The following MCUB variants were observed in gnomAD, a reference collection of about 807,000 sequenced individuals.
MCUB encodes the protein calcium uniporter regulatory subunit MCUb, mitochondrial.
A neutral mutation model predicts 41.4 loss-of-function variants in MCUB; 46 were observed. The ratio of observed to expected loss-of-function variants is 1.11; its 90% CI spans 0.88 to 1.42. The LOEUF (loss-of-function observed/expected upper bound fraction) is 1.42, where lower values mean the gene tolerates loss of function less well. Among genes scored for constraint, MCUB ranks in the 40% most tolerant of loss-of-function variants. The pLI is 0.00. For synonymous variants in MCUB, 148 were observed against 148.2 expected, an observed-to-expected ratio of 1.00 and a Z score of 0.01; for missense variants, 403 against 404.9, an observed-to-expected ratio of 1.00 and a Z score of 0.04.
chr4:109,592,152 A>T (rs1259655666), intron 1 of MCUB, among the ~76,000 whole-genome samples: 3 of 151,832 alleles, frequency 2.0e-5, no homozygotes, highest in African/African-American at 7.3e-5. Flanking sequence ...CACGCCTGTA[A>T]TCCCAGCACT....
intron 4 of MCUB, among the ~76,000 whole-genome samples, chr4:109,679,516 C>T (rs28369312): frequency 0.089 from 13,548 of 152,108 alleles, 674 homozygotes; most frequent in Middle Eastern, 0.11. Flanking sequence ...AGTGGCAGCA[C>T]GTGCCTGGAA....
In MCUB at chr4:109,684,628, CT is replaced by C; in HGVS notation, c.801del (p.Phe267LeufsTer2). 6.6e-7 allele frequency: 1 copy of C among 1,509,580 alleles called. No individual in the cohort carries two copies. The allele number at this position is 1,509,580 out of a possible 1,614,324, so 93.5% of individuals were successfully genotyped here. On this transcript the variant is annotated frameshift_variant, in exon 6 of 8. Coordinates refer to ENST00000394650, the MANE Select transcript of MCUB (RefSeq NM_017918.5). LOFTEE classifies it high-confidence loss of function. ...CAAATTCTATGGTCTTTTTTGCATACTTTATAGTCACTCGACAGGTGAGTAG... is the reference window on the plus strand; with the variant it reads ...CAAATTCTATGGTCTTTTTTGCATACTTATAGTCACTCGACAGGTGAGTAG... ...FANSMVFFAYFIVTRQDYTYS... is the reference protein window; with the variant it reads ...FANSMVFFAYXIVTRQDYTYS...
chr4:109,661,133 T>C (rs557896845), intron 3 of MCUB, among the ~76,000 whole-genome samples: 1 of 152,296 alleles, frequency 6.6e-6, no homozygotes, highest in African/African-American at 2.4e-5. Context: ...GAATATACAT[T>C]TTTTAAAAAA....
At position 109,577,785 on chromosome 4, in the gene MCUB, T is replaced by G. The variant is rs1436747676; in HGVS notation, c.99+17349T>G. On this transcript the variant is annotated intron_variant, in intron 1 of 7. Coordinates refer to ENST00000394650, the MANE Select transcript of MCUB (RefSeq NM_017918.5). ...GCCACCTCGCCCGGCTAATTTTTTG[T>G]ATTTTTAGTAGAGACGGGGTTTCAC... 2.5e-5 allele frequency among the ~76,000 whole-genome samples: 2 copies of G among 81,326 alleles called. 1 individual carries two copies. The highest frequency in any genetic ancestry group is 5.2e-5 in the Non-Finnish European group (2 of 38,422). The allele number at this position is 81,326 out of a possible 152,430, so 53.4% of individuals were successfully genotyped here. A position where few individuals can be genotyped will look rare whatever the true frequency, so the allele number is the denominator to read the frequency against.
At chr4:109,651,167 T>G (rs1040787892) in intron 1 of MCUB, among the ~76,000 whole-genome samples, 1 of 152,254 alleles carries the variant, frequency 6.6e-6, no homozygotes, top group African/African-American at 2.4e-5. Context: ...GTTAATTATG[T>G]CAGAATACAC....
chr4:109,648,777 A>G (rs1008410972), intron 1 of MCUB: 2 of 328,268 alleles, frequency 6.1e-6, no homozygotes, highest in Non-Finnish European at 1.2e-5. Context: ...AGATTCTACA[A>G]AAGATCATGA....
chr4:109,621,176 G>A (rs1728244028), intron 1 of MCUB, among the ~76,000 whole-genome samples: 1 of 152,156 alleles, frequency 6.6e-6, no homozygotes, highest in African/African-American at 2.4e-5. Flanking sequence ...TGGGATTACA[G>A]GTGTGAGCCA....
chr4:109,632,869 C>T (rs1221485872), intron 1 of MCUB, among the ~76,000 whole-genome samples: 2 of 152,240 alleles, frequency 1.3e-5, no homozygotes, highest in Non-Finnish European at 2.9e-5. Context: ...CCTGCCTCGG[C>T]CTCCCAAAGT....
At chr4:109,646,957 T>C (rs572248651) in intron 1 of MCUB, among the ~76,000 whole-genome samples, 1 of 152,368 alleles carries the variant, frequency 6.6e-6, no homozygotes, top group African/African-American at 2.4e-5. Context: ...GAAGTAACTA[T>C]AGAACAAGAG....
At chr4:109,620,899 C>CT (rs11408621) in intron 1 of MCUB, among the ~76,000 whole-genome samples, 73,468 of 146,108 alleles carry the variant, frequency 0.5, 18,900 homozygotes, top group South Asian at 0.7. Flanking sequence ...CATTCTTCTT[C>CT]TTTTTTTTTT....
At chr4:109,595,589 C>T (rs1171640128) in intron 1 of MCUB, among the ~76,000 whole-genome samples, 3 of 152,286 alleles carry the variant, frequency 2.0e-5, no homozygotes, top group Non-Finnish European at 4.4e-5. Flanking sequence ...AATTCAACTC[C>T]TCAGTTGCAC....
At chr4:109,593,130 T>C (rs903651543) in intron 1 of MCUB, among the ~76,000 whole-genome samples, 1 of 152,198 alleles carries the variant, frequency 6.6e-6, no homozygotes, top group African/African-American at 2.4e-5. Context: ...TGCGTGCATC[T>C]TTCTCGTGTG....
At chr4:109,609,547 C>G (rs531444048) in intron 1 of MCUB, among the ~76,000 whole-genome samples, 1 of 152,172 alleles carries the variant, frequency 6.6e-6, no homozygotes, top group South Asian at 2.1e-4. Flanking sequence ...TATCTTGTGC[C>G]GACCTCCTAT....
intron 1 of MCUB, among the ~76,000 whole-genome samples, chr4:109,658,160 AT>A (rs1027956153): frequency 1.3e-5 from 2 of 152,208 alleles, no homozygotes; most frequent in African/African-American, 4.8e-5. Flanking sequence ...AAATAACCAC[AT>A]TTAACAAGTG....
At chr4:109,598,682 T>C (rs116612727) in intron 1 of MCUB, among the ~76,000 whole-genome samples, 3,904 of 152,226 alleles carry the variant, frequency 0.026, 130 homozygotes, top group South Asian at 0.074. Context: ...TCAATTATGA[T>C]CTGGGCCCTT....
intron 1 of MCUB, among the ~76,000 whole-genome samples, chr4:109,593,265 T>A (rs913545049): frequency 4.6e-5 from 7 of 151,686 alleles, no homozygotes; most frequent in African/African-American, 1.7e-4. Context: ...CCCTAAAGAT[T>A]GGATGAGTCT....
At chr4:109,599,134 CAG>C (rs1316542952) in intron 1 of MCUB, among the ~76,000 whole-genome samples, 8 of 152,182 alleles carry the variant, frequency 5.3e-5, no homozygotes, top group Non-Finnish European at 1.2e-4. Flanking sequence ...CGTCCAAGAA[CAG>C]AATTGAATAT....
chr4:109,667,662 TCTA>T lies in MCUB; in HGVS notation c.451+3272_451+3274del, dbSNP rs951412930. Among the ~76,000 whole-genome samples the T allele has an allele frequency of 3.4e-3, 512 of 150,472 alleles. 4 individuals are homozygous for T. Among genetic ancestry groups the T allele is most frequent in the African/African-American group, 0.012 (487 of 41,306 alleles). ...ATTATATACTCTACATAATAAATAT[TCTA>T]CTATATTTATTATCTCTTTTCTTCT... On this transcript the variant is annotated intron_variant, in intron 4 of 7. Coordinates refer to ENST00000394650, the MANE Select transcript of MCUB (RefSeq NM_017918.5).
At chr4:109,581,828 G>A (rs1450968839) in intron 1 of MCUB, among the ~76,000 whole-genome samples, 1 of 152,192 alleles carries the variant, frequency 6.6e-6, no homozygotes, top group Non-Finnish European at 1.5e-5. Flanking sequence ...ACCACAGTGA[G>A]ATACCATCTC....
Sources: gnomAD v4.1 joint callset for allele counts (sites outside exome capture counted in the v4.1 genomes callset) on GRCh38, gnomAD v4.1.1 for gene constraint, MANE v1.5 for transcripts, NCBI Gene and HGNC (gene_info 2026-07-23, HGNC 2026-07-21) for gene names.